The following NTRK2 variants were observed in gnomAD, a reference collection of about 807,000 sequenced individuals.
The protein encoded by NTRK2 is BDNF/NT-3 growth factors receptor.
Under a neutral mutation model 94.5 loss-of-function variants are expected in NTRK2, and 13 were observed. The ratio of observed to expected loss-of-function variants is 0.14; its 90% confidence interval spans 0.09 to 0.22. The LOEUF (loss-of-function observed/expected upper bound fraction) is 0.22. NTRK2 is among the 10% of genes least tolerant of loss of function. NTRK2 has a pLI of 1.00. For synonymous variants in NTRK2, 372 were observed against 407.4 expected, an observed-to-expected ratio of 0.91 and a Z score of 1.05; for missense variants, 639 against 1,071.2, an observed-to-expected ratio of 0.60 and a Z score of 5.63.
intron 9 of NTRK2, among the ~76,000 whole-genome samples, chr9:84,729,067 G>GGGGATGCTT (rs2062659130): frequency 6.6e-6 from 1 of 152,192 alleles, no homozygotes; most frequent in Admixed American, 6.5e-5. Flanking sequence ...TTGTAAGGCA[G>GGGGATGCTT]GGGCTGCTTG....
chr9:84,890,521 A>T (rs554618561), intron 14 of NTRK2, among the ~76,000 whole-genome samples: 13 of 152,294 alleles, frequency 8.5e-5, no homozygotes, highest in Middle Eastern at 3.4e-3. Flanking sequence ...GACTTTCTTG[A>T]TCTTTTCTCA....
At chr9:84,867,164 G>A in intron 13 of NTRK2, 79 bp from the exon 14 acceptor site, 3 of 1,369,694 alleles carry the variant, frequency 2.2e-6, no homozygotes, top group Non-Finnish European at 3.1e-6. Flanking sequence ...TACTTTAAAT[G>A]GGTAAATTTT....
intron 17 of NTRK2, among the ~76,000 whole-genome samples, chr9:85,012,629 G>A (rs1207602439): frequency 6.6e-6 from 1 of 152,102 alleles, no homozygotes; most frequent in Non-Finnish European, 1.5e-5. Context: ...AAGAGCTGTG[G>A]AAATGTTATG....
At chr9:84,748,584 G>A (rs2064299858) in intron 11 of NTRK2, among the ~76,000 whole-genome samples, 1 of 152,178 alleles carries the variant, frequency 6.6e-6, no homozygotes, top group South Asian at 2.1e-4. Context: ...TCCCAGTTAA[G>A]GACTGTCCAA....
At chr9:84,888,220 T>G (rs1215344964) in intron 14 of NTRK2, among the ~76,000 whole-genome samples, 1 of 152,154 alleles carries the variant, frequency 6.6e-6, no homozygotes, top group African/African-American at 2.4e-5. Flanking sequence ...AAAACTTTTT[T>G]TGAGACTTGC....
At chr9:84,788,796 G>A (rs981055725) in intron 12 of NTRK2, among the ~76,000 whole-genome samples, 4 of 152,192 alleles carry the variant, frequency 2.6e-5, no homozygotes, top group Non-Finnish European at 5.9e-5. Flanking sequence ...TCAGCTTTGC[G>A]AGCTACCTTG....
intron 12 of NTRK2, among the ~76,000 whole-genome samples, chr9:84,806,630 A>G (rs917241980): frequency 7.9e-5 from 12 of 152,184 alleles, no homozygotes; most frequent in Admixed American, 5.9e-4. Flanking sequence ...GACAATTCAT[A>G]TTCACCATGT....
chr9:84,845,676 C>A (rs1336546111), intron 12 of NTRK2, among the ~76,000 whole-genome samples: 1 of 152,072 alleles, frequency 6.6e-6, no homozygotes, highest in Non-Finnish European at 1.5e-5. Context: ...GAATGAAAAA[C>A]CAAACACTAT....
Position 85,025,762 on chromosome 9 carries a change from A to T in NTRK2, c.*4325A>T. ...TGGCCATATATCACTGTTATAGGAA[A>T]TCTCATGAGAGGAATGGCTAGTGAC... is the stretch of plus-strand genomic sequence containing the variant. On this transcript the variant is annotated 3_prime_UTR_variant, in exon 19 of 19. Transcript: ENST00000277120. The T allele has an allele frequency of 4.3e-6, 1 of 233,086 alleles. No homozygotes were observed. The allele number at this position is 233,086 out of a possible 1,614,324, so 14.4% of individuals were successfully genotyped here.
chr9:84,882,719 T>A (rs113977965), intron 14 of NTRK2, among the ~76,000 whole-genome samples: 1 of 145,742 alleles, frequency 6.9e-6, no homozygotes, highest in South Asian at 2.1e-4. Flanking sequence ...TGTGTGTGTG[T>A]GCGCGCGCGC....
intron 17 of NTRK2, among the ~76,000 whole-genome samples, chr9:84,979,251 C>T (rs1174064528): frequency 6.6e-6 from 1 of 152,184 alleles, no homozygotes; most frequent in Non-Finnish European, 1.5e-5. Flanking sequence ...ATTCTAGAAG[C>T]CATTAAGAAC....
At chr9:84,768,939 G>A (rs1329102430) in intron 12 of NTRK2, among the ~76,000 whole-genome samples, 1 of 152,146 alleles carries the variant, frequency 6.6e-6, no homozygotes, top group African/African-American at 2.4e-5. Flanking sequence ...AGAGGATGAG[G>A]AACCTGATTA....
In NTRK2 at chr9:84,888,982, A is replaced by ATTTTTTT. The variant is rs71369159; in HGVS notation, c.1633+21571_1633+21577dup. Among the ~76,000 whole-genome samples the ATTTTTTT allele has an allele frequency of 9.0e-3, 911 of 101,684 alleles. 281 individuals are homozygous for ATTTTTTT. The highest frequency in any genetic ancestry group is 0.031 in the African/African-American group (771 of 24,998). The allele number at this position is 101,684 out of a possible 152,430, so 66.7% of individuals were successfully genotyped here. On this transcript the variant is annotated intron_variant, in intron 14 of 18. Transcript: ENST00000277120. ...TCCCCATTATTTATTAATGACAGAA[A>ATTTTTTT]TTTTTTTTTTTTTTTTTTTTTTTTT...
intron 4 of NTRK2, 94 bp downstream of exon 4, chr9:84,702,513 C>A (rs2060796186): frequency 1.8e-6 from 2 of 1,085,996 alleles, no homozygotes; most frequent in Admixed American, 3.4e-5. Flanking sequence ...CTTGAAACCT[C>A]CCTTTTTAAA....
At position 84,934,841 on chromosome 9, in the gene NTRK2, T is replaced by C. The variant is rs116908468; in HGVS notation, c.1764+549T>C. On this transcript the variant is annotated intron_variant, in intron 15 of 18. Transcript: ENST00000277120. Reference sequence around the variant, plus strand: ...GGCTGGATGGCATCTCCTGTGGAATTCACCACCCAAGGAGACATAGTGGTT... The same window carrying C: ...GGCTGGATGGCATCTCCTGTGGAATCCACCACCCAAGGAGACATAGTGGTT... Among the ~76,000 whole-genome samples the C allele has an allele frequency of 8.1e-3, 1,238 of 152,246 alleles. 4 individuals carry two copies. The highest frequency in any genetic ancestry group is 0.012 in the Non-Finnish European group (807 of 68,026).
rs1173367259 is a variant in NTRK2, at chr9:85,004,015, A to AAGAG, written c.2173-16187_2173-16184dup. 4.3e-4 allele frequency among the ~76,000 whole-genome samples: 31 copies of AAGAG among 71,506 alleles called. 1 individual carries two copies. Among genetic ancestry groups the AAGAG allele is most frequent in the African/African-American group, 2.2e-3 (30 of 13,904 alleles). 46.9% of individuals were successfully genotyped at this position (71,506 alleles called of 152,430 possible). A position where few individuals can be genotyped will look rare whatever the true frequency, so the allele number is the denominator to read the frequency against. Reference sequence around the variant, plus strand: ...AGGAAAGAAAGAAAGAAAGAAAAGAAAGAGAGAAAGAAAGAAAGAGAGAAA... The same window carrying AAGAG: ...AGGAAAGAAAGAAAGAAAGAAAAGAAAGAGAGAGAGAAAGAAAGAAAGAGAGAAA... On this transcript the variant is annotated intron_variant, in intron 17 of 18. Transcript: ENST00000277120.
intron 8 of NTRK2, among the ~76,000 whole-genome samples, chr9:84,725,425 T>C (rs1327258834): frequency 6.6e-6 from 1 of 152,136 alleles, no homozygotes; most frequent in Non-Finnish European, 1.5e-5. Flanking sequence ...CTTTCAACTG[T>C]ATGTCCTTAA....
intron 9 of NTRK2, among the ~76,000 whole-genome samples, chr9:84,728,444 G>T (rs1205171142): frequency 1.3e-5 from 2 of 152,080 alleles, no homozygotes; most frequent in African/African-American, 2.4e-5. Flanking sequence ...TGAGAAAAGG[G>T]TTATTATTAT....
chr9:84,877,250 T>C (rs1587793952), intron 14 of NTRK2: 2 of 1,065,734 alleles, frequency 1.9e-6, no homozygotes, highest in South Asian at 9.1e-5. Context: ...CAGTGTCCTC[T>C]TTAGTTCTCT....
Sources: allele counts gnomAD v4.1 joint callset (sites outside exome capture counted in the v4.1 genomes callset), GRCh38; gene constraint gnomAD v4.1.1; transcripts MANE v1.5; gene names NCBI Gene and HGNC (gene_info 2026-07-23, HGNC 2026-07-21).